DPH6: variants seen among roughly 807,000 people sequenced by gnomAD.
The protein encoded by DPH6 is diphthine--ammonia ligase.
A neutral mutation model predicts 38.2 loss-of-function variants in DPH6; 33 were observed. The ratio of observed to expected loss-of-function variants is 0.86; its 90% CI spans 0.65 to 1.15. The LOEUF (loss-of-function observed/expected upper bound fraction) is 1.15, where lower values mean the gene tolerates loss of function less well. Ranked by LOEUF, DPH6 falls within the 50% of genes most tolerant of loss-of-function variation. The probability of loss-of-function intolerance (pLI) is 0.00; values close to 1 mark genes in which losing one functional copy is unlikely to be tolerated. For synonymous variants in DPH6, 108 were observed against 103.0 expected (o/e 1.05, Z -0.30); for missense variants, 325 against 320.0 (o/e 1.02, Z -0.12).
At chr15:35,160,993 G>A in the DPH6 span, among the ~76,000 whole-genome samples, 1 of 151,950 alleles carries the variant, frequency 6.6e-6, no homozygotes, top group Non-Finnish European at 1.5e-5. Flanking sequence ...ACTGTTGTGG[G>A]GTGGAGGGAG....
intron 3 of DPH6, among the ~76,000 whole-genome samples, chr15:35,312,160 C>G (rs879295053): frequency 6.6e-6 from 1 of 151,890 alleles, no homozygotes; most frequent in Non-Finnish European, 1.5e-5. Flanking sequence ...CATTTTATGA[C>G]GCATGCAATT....
At chr15:35,298,692 G>C in intron 3 of DPH6, 1 of 1,574,588 alleles carries the variant, frequency 6.4e-7, no homozygotes, top group East Asian at 2.2e-5. Context: ...TGCTTCCCCA[G>C]ACCCTGGCCC....
chr15:35,187,508 T>A, the DPH6 span, among the ~76,000 whole-genome samples: 2 of 152,230 alleles, frequency 1.3e-5, no homozygotes, highest in Non-Finnish European at 2.9e-5. Flanking sequence ...ATACAATTGT[T>A]TAAACTTTAC....
intron 1 of DPH6, 126 bp downstream of exon 1, chr15:35,545,993 C>T (rs1225642017): frequency 1.5e-5 from 13 of 893,178 alleles, no homozygotes; most frequent in Non-Finnish European, 1.9e-5. Flanking sequence ...TCCTGTGGCT[C>T]GGAGGAGCCG....
chr15:35,320,780 C>T (rs917039533), intron 3 of DPH6, among the ~76,000 whole-genome samples: 4 of 152,160 alleles, frequency 2.6e-5, no homozygotes, highest in African/African-American at 9.7e-5. Context: ...CTCTTCCCTG[C>T]TTTCTAAAGT....
chr15:35,382,035 G>T, intron 6 of DPH6, 119 bp from the exon 7 acceptor site: 1 of 713,966 alleles, frequency 1.4e-6, no homozygotes, highest in Non-Finnish European at 2.4e-6. Flanking sequence ...TAGTTTGCAA[G>T]GTAAGGAAAA....
chr15:35,250,864 G>C (rs989807596), intron 3 of DPH6, among the ~76,000 whole-genome samples: 4 of 152,118 alleles, frequency 2.6e-5, no homozygotes, highest in Non-Finnish European at 5.9e-5. Context: ...TTCTAACACT[G>C]TATATGGCAT....
chr15:35,518,514 T>A (rs1481307986), intron 3 of DPH6, among the ~76,000 whole-genome samples: 1 of 152,020 alleles, frequency 6.6e-6, no homozygotes, highest in African/African-American at 2.4e-5. Context: ...AGTTTTATCA[T>A]CAGTTTTCAC....
At chr15:35,231,522 T>A (rs1180098725) in intron 3 of DPH6, among the ~76,000 whole-genome samples, 1 of 152,216 alleles carries the variant, frequency 6.6e-6, no homozygotes, top group Non-Finnish European at 1.5e-5. Flanking sequence ...TTTTTGTGTG[T>A]AGAAAGTTGT....
rs10573455 is a variant in DPH6, at chr15:35,312,010, GAAAA to G, written n.200+61507_200+61510del. Among the ~76,000 whole-genome samples the G allele has an allele frequency of 6.4e-3, 652 of 102,152 alleles. 3 individuals are homozygous for G. The highest frequency in any genetic ancestry group is 0.013 in the African/African-American group (366 of 27,974). 67.0% of individuals were successfully genotyped at this position (102,152 alleles called of 152,430 possible). On this transcript the variant is annotated intron_variant and non_coding_transcript_variant, in intron 3 of 3. Coordinates refer to the DPH6 transcript ENST00000560386. The stretch of plus-strand genomic sequence containing the variant: ...GAGTCTGAAGCCTGGTTAAGAAAAT[GAAAA>G]AAAAAAAAAAAAAAAAAATAGAACA...
At chr15:35,284,007 CT>C (rs1224127314) in intron 3 of DPH6, among the ~76,000 whole-genome samples, 1 of 152,114 alleles carries the variant, frequency 6.6e-6, no homozygotes, top group African/African-American at 2.4e-5. Flanking sequence ...AAATCCATTA[CT>C]TTTAATCCAG....
intron 3 of DPH6, among the ~76,000 whole-genome samples, chr15:35,228,239 T>C (rs537856491): frequency 7.9e-5 from 12 of 152,332 alleles, no homozygotes; most frequent in African/African-American, 2.9e-4. Context: ...CCCCCAACTT[T>C]TAAACTTTTT....
intron 6 of DPH6, among the ~76,000 whole-genome samples, chr15:35,398,631 T>C (rs941094989): frequency 2.6e-5 from 4 of 152,204 alleles, no homozygotes; most frequent in Admixed American, 6.5e-5. Context: ...CCTTTATGAA[T>C]AAACCAGTAA....
At chr15:35,425,397 CAG>C (rs1410562084) in intron 5 of DPH6, among the ~76,000 whole-genome samples, 1 of 151,514 alleles carries the variant, frequency 6.6e-6, no homozygotes, top group Non-Finnish European at 1.5e-5. Flanking sequence ...AGTTGCCTGA[CAG>C]AGCCATATGT....
At chr15:35,489,350 A>AT (rs1306226421) in intron 3 of DPH6, 1 of 985,258 alleles carries the variant, frequency 1.0e-6, no homozygotes, top group African/African-American at 1.7e-5. Flanking sequence ...AAGTGCTCCA[A>AT]TCCCTGGTCC....
At chr15:35,318,002 A>AT (rs1423273195) in intron 3 of DPH6, among the ~76,000 whole-genome samples, 1 of 152,082 alleles carries the variant, frequency 6.6e-6, no homozygotes, top group African/African-American at 2.4e-5. Flanking sequence ...AGAAAAAAAA[A>AT]GGAGCATATA....
intron 3 of DPH6, among the ~76,000 whole-genome samples, chr15:35,273,826 T>A (rs1007074447): frequency 6.6e-6 from 1 of 152,230 alleles, no homozygotes; most frequent in Non-Finnish European, 1.5e-5. Flanking sequence ...ATGGCCTTAC[T>A]GCCTAAAGTA....
chr15:35,543,258 TAATATATATATATATATATA>T lies in DPH6; in HGVS notation c.24-771_24-752del, dbSNP rs1308783806. 8.7e-3 allele frequency among the ~76,000 whole-genome samples: 802 copies of T among 92,626 alleles called. 26 individuals carry two copies. The highest frequency in any genetic ancestry group is 0.032 in the African/African-American group (725 of 22,356). 60.8% of individuals were successfully genotyped at this position (92,626 alleles called of 152,430 possible). On this transcript the variant is annotated intron_variant, in intron 1 of 8. Coordinates refer to ENST00000256538, the MANE Select transcript of DPH6 (RefSeq NM_080650.4). Reference sequence around the variant, plus strand: ...CATACATATAGTACACACATACACATAATATATATATATATATATATATATATATATATATATATATATAT... The same window carrying T: ...CATACATATAGTACACACATACACATTATATATATATATATATATATATAT...
chr15:35,301,156 C>T lies in DPH6; in HGVS notation n.200+72365G>A, dbSNP rs113847755. 2.7e-3 allele frequency among the ~76,000 whole-genome samples: 414 copies of T among 152,154 alleles called. 1 individual carries two copies. Among genetic ancestry groups the T allele is most frequent in the African/African-American group, 9.5e-3 (394 of 41,502 alleles). On this transcript the variant is annotated intron_variant and non_coding_transcript_variant, in intron 3 of 3. Transcript: ENST00000560386. ...ATGTAGGTTTTGAGAAATTTAAAAC[C>T]GTATGTATTACTCAAACATTTCTTC...
Sources: gnomAD v4.1 joint callset for allele counts (sites outside exome capture counted in the v4.1 genomes callset) on GRCh38, gnomAD v4.1.1 for gene constraint, MANE v1.5 for transcripts, NCBI Gene and HGNC (gene_info 2026-07-23, HGNC 2026-07-21) for gene names.